ATRNL1: variants seen among roughly 807,000 people sequenced by gnomAD.
ATRNL1 encodes the protein attractin-like protein 1.
In ATRNL1, 95 loss-of-function variants were observed where a neutral mutation model predicts 182.7. The ratio of observed to expected loss-of-function variants is 0.52; its 90% CI spans 0.44 to 0.62. ATRNL1 has a LOEUF of 0.62. ATRNL1 is among the 20% of genes least tolerant of loss of function. ATRNL1 has a pLI of 0.00. For synonymous variants in ATRNL1, 576 were observed against 568.3 expected, an observed-to-expected ratio of 1.01 and a Z score of -0.19; for missense variants, 1,471 against 1,679.5, an observed-to-expected ratio of 0.88 and a Z score of 2.17.
intron 20 of ATRNL1, among the ~76,000 whole-genome samples, chr10:115,395,218 G>C (rs1554955258): frequency 1.3e-5 from 2 of 151,940 alleles, no homozygotes. Context: ...ATTCCATGGT[G>C]TATGTGGACC....
intron 26 of ATRNL1, among the ~76,000 whole-genome samples, chr10:115,694,007 T>C (rs1415039300): frequency 6.6e-6 from 1 of 152,132 alleles, no homozygotes; most frequent in Non-Finnish European, 1.5e-5. Flanking sequence ...TGACTATCCA[T>C]ATAGTATGAA....
intron 1 of ATRNL1, among the ~76,000 whole-genome samples, chr10:115,112,738 G>A (rs1224802162): frequency 6.6e-6 from 1 of 152,132 alleles, no homozygotes; most frequent in Non-Finnish European, 1.5e-5. Context: ...GCCTGCAGCA[G>A]GAGACTATTC....
intron 20 of ATRNL1, among the ~76,000 whole-genome samples, chr10:115,412,284 A>G (rs782616351): frequency 3.9e-5 from 6 of 152,146 alleles, no homozygotes; most frequent in Non-Finnish European, 8.8e-5. Flanking sequence ...AAATTTTGCC[A>G]AAAACCTGAG....
At chr10:115,270,326 ATTTG>A (rs1392376705) in intron 13 of ATRNL1, among the ~76,000 whole-genome samples, 12 of 104,850 alleles carry the variant, frequency 1.1e-4, no homozygotes, top group Non-Finnish European at 2.0e-4. Context: ...ATATAAATAT[ATTTG>A]TTTATATATT....
chr10:115,925,489 A>G (rs1414319823), intron 28 of ATRNL1, among the ~76,000 whole-genome samples: 3 of 152,168 alleles, frequency 2.0e-5, no homozygotes, highest in Non-Finnish European at 4.4e-5. Context: ...GTCAAGAACC[A>G]TCAGCGTGCT....
intron 26 of ATRNL1, among the ~76,000 whole-genome samples, chr10:115,640,130 A>G (rs918839626): frequency 2.0e-5 from 3 of 152,144 alleles, no homozygotes; most frequent in Admixed American, 1.3e-4. Flanking sequence ...GCTGCATAGT[A>G]TTCCATGGCA....
intron 19 of ATRNL1, among the ~76,000 whole-genome samples, chr10:115,393,987 A>G (rs542306170): frequency 1.3e-5 from 2 of 152,182 alleles, no homozygotes; most frequent in Admixed American, 6.5e-5. Context: ...CTAAAAGGAT[A>G]CTCTAAAAGG....
rs185948287 is a variant in ATRNL1, at chr10:115,475,017, A to G, written c.3654+5688A>G. On this transcript the variant is annotated intron_variant, in intron 24 of 28. Coordinates refer to ENST00000355044, the MANE Select transcript of ATRNL1 (RefSeq NM_207303.4). ...CATTGTCTAATAGAAAAACAACACC[A>G]CCAAAATCACTCCATTTCCTTAATT... Among the ~76,000 whole-genome samples the G allele has an allele frequency of 2.6e-5, 4 of 151,364 alleles. No homozygotes were observed. In the Admixed American group the frequency reaches 2.6e-4, roughly 10 times the overall value.
chr10:115,793,840 A>G (rs1949587470), intron 27 of ATRNL1, among the ~76,000 whole-genome samples: 1 of 152,138 alleles, frequency 6.6e-6, no homozygotes, highest in African/African-American at 2.4e-5. Flanking sequence ...GGGTGATGAA[A>G]ATGTTCTATA....
chr10:115,740,938 A>AT (rs1214756180), intron 27 of ATRNL1, among the ~76,000 whole-genome samples: 15 of 151,922 alleles, frequency 9.9e-5, no homozygotes, highest in African/African-American at 3.4e-4. Context: ...TTATTTCTTG[A>AT]TTTTTTTACT....
chr10:115,735,129 C>T (rs1483010891), intron 27 of ATRNL1, among the ~76,000 whole-genome samples: 1 of 152,116 alleles, frequency 6.6e-6, no homozygotes, highest in Admixed American at 6.6e-5. Context: ...TCTTGGCTCA[C>T]AGTTGTTCTT....
chr10:115,893,675 A>G (rs2134469195), intron 28 of ATRNL1, among the ~76,000 whole-genome samples: 1 of 152,240 alleles, frequency 6.6e-6, no homozygotes, highest in East Asian at 1.9e-4. Flanking sequence ...AGTTCCAGCC[A>G]CTCCTGCAGA....
At chr10:115,386,737 A>C (rs1360221433) in intron 19 of ATRNL1, among the ~76,000 whole-genome samples, 1 of 151,304 alleles carries the variant, frequency 6.6e-6, no homozygotes, top group Non-Finnish European at 1.5e-5. Context: ...ATATGTATAC[A>C]TGTGCCATGC....
intron 28 of ATRNL1, among the ~76,000 whole-genome samples, chr10:115,863,243 A>C (rs1441376088): frequency 6.6e-6 from 1 of 152,208 alleles, no homozygotes; most frequent in African/African-American, 2.4e-5. Context: ...TACGAACTGT[A>C]AAAAATGAAC....
At chr10:115,452,570 T>C (rs1170189824) in intron 21 of ATRNL1, among the ~76,000 whole-genome samples, 1 of 152,084 alleles carries the variant, frequency 6.6e-6, no homozygotes. Context: ...ATAGAAAAAC[T>C]GTACACAATA....
At chr10:115,535,490 A>T (rs1207713092) in intron 25 of ATRNL1, among the ~76,000 whole-genome samples, 1 of 150,000 alleles carries the variant, frequency 6.7e-6, no homozygotes, top group Non-Finnish European at 1.5e-5. Flanking sequence ...TGTATTGGTT[A>T]TTCTAGTTAT....
intron 27 of ATRNL1, among the ~76,000 whole-genome samples, chr10:115,734,791 G>A (rs1043630273): frequency 2.0e-5 from 3 of 151,800 alleles, no homozygotes; most frequent in Non-Finnish European, 4.4e-5. Flanking sequence ...TTTTCATCCT[G>A]AATTTCCTAT....
intron 1 of ATRNL1, among the ~76,000 whole-genome samples, chr10:115,097,384 A>T (rs1017608432): frequency 2.6e-5 from 4 of 152,122 alleles, no homozygotes; most frequent in Non-Finnish European, 5.9e-5. Flanking sequence ...TACAAGAGAG[A>T]GTGAGGCGGA....
In ATRNL1 at chr10:115,403,257, C is replaced by CTTTTT. The variant is rs59256867; in HGVS notation, c.3269+8520_3269+8524dup. The stretch of plus-strand genomic sequence containing the variant: ...CTTTATTTTTCCTAATTACTCTCAT[C>CTTTTT]TTTTTTTTTTTTTTTTTTTAGTCTG... On this transcript the variant is annotated intron_variant, in intron 20 of 28. Coordinates refer to ENST00000355044, the MANE Select transcript of ATRNL1 (RefSeq NM_207303.4). 2.4e-3 allele frequency among the ~76,000 whole-genome samples: 263 copies of CTTTTT among 107,420 alleles called. 24 individuals carry two copies. Among genetic ancestry groups the CTTTTT allele is most frequent in the African/African-American group, 0.011 (219 of 20,386 alleles). The allele number at this position is 107,420 out of a possible 152,430, so 70.5% of individuals were successfully genotyped here.
Sources: gnomAD v4.1 joint callset for allele counts (sites outside exome capture counted in the v4.1 genomes callset) on GRCh38, gnomAD v4.1.1 for gene constraint, MANE v1.5 for transcripts, NCBI Gene and HGNC (gene_info 2026-07-23, HGNC 2026-07-21) for gene names.